Variants in SLC23A2 observed in about 807,000 individuals in gnomAD.
SLC23A2 encodes the protein Na(+)/L-ascorbic acid transporter 2.
A neutral mutation model predicts 73.3 loss-of-function variants in SLC23A2; 36 were observed. That is an observed-to-expected ratio of 0.49 (90% confidence interval 0.38 to 0.65). SLC23A2 has a LOEUF of 0.65. SLC23A2 is among the 30% of genes least tolerant of loss of function. SLC23A2 has a pLI of 0.00. For synonymous variants in SLC23A2, 343 were observed against 327.3 expected (o/e 1.05, Z -0.52); for missense variants, 507 against 841.6 (o/e 0.60, Z 4.92).
chr20:4,919,970 A>G (rs1932449191), intron 3 of SLC23A2, among the ~76,000 whole-genome samples: 1 of 152,196 alleles, frequency 6.6e-6, no homozygotes, highest in East Asian at 1.9e-4. Context: ...CATTAAAACT[A>G]TGATGAGAGG....
intron 3 of SLC23A2, among the ~76,000 whole-genome samples, chr20:4,915,923 G>A (rs1932306715): frequency 6.6e-6 from 1 of 151,890 alleles, no homozygotes; most frequent in South Asian, 2.1e-4. Flanking sequence ...ACTCCACCCT[G>A]GTCAACAGAG....
rs201188542 is a variant in SLC23A2, at chr20:4,876,884, T to C, written c.825-2188A>G. On this transcript the variant is annotated intron_variant, in intron 9 of 16. Coordinates refer to ENST00000338244, the MANE Select transcript of SLC23A2 (RefSeq NM_005116.6). ...GTCCCCAGACATGAACAGGTTATTA[T>C]CTAAGCCAAACTGGAATCATGCTTT... Among the ~76,000 whole-genome samples the C allele has an allele frequency of 3.9e-5, 6 of 152,186 alleles. No homozygotes were observed. The East Asian group carries it at 1.2e-3, about 29-fold the overall frequency.
chr20:4,987,593 A>T (rs573425430), intron 1 of SLC23A2, among the ~76,000 whole-genome samples: 1 of 152,192 alleles, frequency 6.6e-6, no homozygotes, highest in Non-Finnish European at 1.5e-5. Context: ...TCACGCCTAT[A>T]ATCTCAGCAC....
rs77407920 is a variant in SLC23A2, at chr20:4,998,418, C to T, written c.-282+2988G>A. Among the ~76,000 whole-genome samples the T allele has an allele frequency of 2.3e-3, 348 of 152,228 alleles. 2 individuals carry two copies. The highest frequency in any genetic ancestry group is 7.7e-3 in the African/African-American group (318 of 41,536). ...AGAGCCAAGAACCTAGAACCTGTGA[C>T]GAAATAACAGGTTCAAAATAGCAAA... On this transcript the variant is annotated intron_variant, in intron 1 of 16. Coordinates refer to ENST00000338244, the MANE Select transcript of SLC23A2 (RefSeq NM_005116.6). The surrounding 1 kb of genome is among the most constrained non-coding windows in gnomAD (Gnocchi z 4.1).
At chr20:4,929,126 C>T (rs1222173137) in intron 3 of SLC23A2, among the ~76,000 whole-genome samples, 1 of 151,838 alleles carries the variant, frequency 6.6e-6, no homozygotes, top group African/African-American at 2.4e-5. Flanking sequence ...TGTAGCCAGG[C>T]CCAGTAGCAC....
intron 2 of SLC23A2, among the ~76,000 whole-genome samples, chr20:4,961,877 T>C (rs1319573003): frequency 6.6e-6 from 1 of 152,148 alleles, no homozygotes; most frequent in Non-Finnish European, 1.5e-5. Context: ...TAGGAAAACT[T>C]TTGGAATTTG....
chr20:4,948,435 T>C (rs558563122), intron 2 of SLC23A2, among the ~76,000 whole-genome samples: 8 of 152,284 alleles, frequency 5.3e-5, no homozygotes, highest in Non-Finnish European at 8.8e-5. Flanking sequence ...CCATACCCCC[T>C]GCTCCCCACT....
chr20:4,888,649 A>G (rs114237504), intron 6 of SLC23A2, among the ~76,000 whole-genome samples: 2,633 of 151,614 alleles, frequency 0.017, 79 homozygotes, highest in African/African-American at 0.06. Context: ...CCTGAACCCC[A>G]CTCCCAGCCT....
intron 12 of SLC23A2, chr20:4,869,694 T>C (rs2122792452): frequency 2.0e-6 from 1 of 488,224 alleles, no homozygotes; most frequent in South Asian, 3.8e-5. Context: ...TTCCACGTCA[T>C]GGACGAGGAA....
chr20:4,996,707 AAAC>A lies in SLC23A2; in HGVS notation c.-282+4696_-282+4698del, dbSNP rs1450015785. Among the ~76,000 whole-genome samples the A allele has an allele frequency of 1.1e-3, 164 of 146,216 alleles. 3 individuals are homozygous for A. Among genetic ancestry groups the A allele is most frequent in the African/African-American group, 2.2e-3 (88 of 40,088 alleles). On this transcript the variant is annotated intron_variant, in intron 1 of 16. Transcript: ENST00000338244. ...TCTCAAAAAAAAAAAAAAAAAAAAA[AAAC>A]AACAACTCATGAGTGAAGATTTTCC...
chr20:4,912,963 C>T lies in SLC23A2; in HGVS notation c.124G>A (p.Gly42Ser). ...TCCTGCTCACCGCTGGAGGTGGCGC[C>T]TCCATTTATCACCACCTGCAGAGAC... ...FFTLPVVING[G>S]ATSSGEQDNE... is the part of the protein sequence containing the mutation. Residue 42 changes from glycine (G) to serine (S), a missense_variant, in exon 4 of 17, where the codon GGC becomes AGC. Transcript: ENST00000338244. 6 of 1,610,316 alleles carry T rather than the reference C, an allele frequency of 3.7e-6. No homozygotes were observed. The highest frequency in any genetic ancestry group is 5.1e-6 in the Non-Finnish European group (6 of 1,177,144).
intron 1 of SLC23A2, among the ~76,000 whole-genome samples, chr20:5,000,017 G>A (rs1484206188): frequency 6.6e-6 from 1 of 152,158 alleles, no homozygotes; most frequent in Non-Finnish European, 1.5e-5. Flanking sequence ...TAACTAGCAG[G>A]TGTGCCATGA....
Position 4,862,886 on chromosome 20 carries a change from G to C in SLC23A2, c.1378C>G (p.Gln460Glu). 1 of 1,611,944 alleles carries C rather than the reference G, an allele frequency of 6.2e-7. No individual in the cohort carries two copies. The highest frequency in any genetic ancestry group is 8.5e-7 in the Non-Finnish European group (1 of 1,178,436). Residue 460 changes from glutamine (Q) to glutamate (E), a missense_variant, in exon 14 of 17, where the codon CAG becomes GAG. Gln to Glu is a conservative substitution (Grantham distance 29). This residue lies in a region of SLC23A2 where 168 missense variants were observed against 302.3 expected (regional missense o/e 0.56). Coordinates refer to ENST00000338244, the MANE Select transcript of SLC23A2 (RefSeq NM_005116.6). The surrounding 1 kb of genome is among the most constrained non-coding windows in gnomAD (Gnocchi z 5.1). The part of the protein sequence containing the change: ...ITKVGSRRVI[Q>E]CGAALMLALG... ...GCGAGCATGAGGGCTGCTCCGCACTGTATCACGCGGCGGCTGCCGACCTGC... is the reference window on the plus strand; with the variant it reads ...GCGAGCATGAGGGCTGCTCCGCACTCTATCACGCGGCGGCTGCCGACCTGC...
rs558403396 is a variant in SLC23A2 at position 4,917,862 on chromosome 20, C to A, written c.109-4884G>T. On this transcript the variant is annotated intron_variant, in intron 3 of 16. Transcript: ENST00000338244. ...TGATCTATTTACGTGCAGGGGGCTGCCTAAATAGTTCTTGCCTAAATGGTT... is the reference window on the plus strand; with the variant it reads ...TGATCTATTTACGTGCAGGGGGCTGACTAAATAGTTCTTGCCTAAATGGTT... Among the ~76,000 whole-genome samples, 5 of 152,240 alleles carry A rather than the reference C, an allele frequency of 3.3e-5. No homozygotes were observed. The East Asian group carries it at 9.7e-4, about 29-fold the overall frequency.
chr20:4,896,453 C>T (rs1931526051), intron 6 of SLC23A2, among the ~76,000 whole-genome samples: 1 of 152,214 alleles, frequency 6.6e-6, no homozygotes, highest in South Asian at 2.1e-4. Flanking sequence ...GAGGCCCAGA[C>T]TGCCCACAAG....
chr20:4,933,780 T>TC (rs1239230103), intron 2 of SLC23A2, among the ~76,000 whole-genome samples: 1 of 152,174 alleles, frequency 6.6e-6, no homozygotes, highest in African/African-American at 2.4e-5. Context: ...CATCCCCTGG[T>TC]ACTCCAATTA....
At chr20:4,922,754 C>T (rs1393789140) in intron 3 of SLC23A2, among the ~76,000 whole-genome samples, 2 of 152,066 alleles carry the variant, frequency 1.3e-5, no homozygotes, top group African/African-American at 2.4e-5. Flanking sequence ...ACTGCTTGAA[C>T]CCGGGAGGCA....
At chr20:4,952,731 T>A (rs967885895) in intron 2 of SLC23A2, among the ~76,000 whole-genome samples, 1 of 152,104 alleles carries the variant, frequency 6.6e-6, no homozygotes, top group African/African-American at 2.4e-5. Context: ...ATATAAGAAA[T>A]GTAATTAAAT....
intron 4 of SLC23A2, among the ~76,000 whole-genome samples, chr20:4,906,174 A>G (rs905153011): frequency 5.9e-5 from 9 of 152,166 alleles, no homozygotes; most frequent in African/African-American, 2.2e-4. Context: ...CCTGTCTCCA[A>G]AAACAAACAA....
Sources: allele counts gnomAD v4.1 joint callset (sites outside exome capture counted in the v4.1 genomes callset), GRCh38; gene constraint gnomAD v4.1.1; regional missense constraint gnomAD v4.1.1; non-coding constraint Gnocchi (gnomAD v3.1); transcripts MANE v1.5; gene names NCBI Gene and HGNC (gene_info 2026-07-23, HGNC 2026-07-21).